Variants in EFCAB6 observed in about 807,000 individuals in gnomAD.
EFCAB6 encodes EF-hand calcium-binding domain-containing protein 6.
EFCAB6 carries 156 observed loss-of-function variants against 169.8 expected under a neutral mutation model. That is an observed-to-expected ratio of 0.92 (90% CI 0.81 to 1.05). The LOEUF is 1.05. Ranked by LOEUF, EFCAB6 falls within the 50% of genes least tolerant of loss-of-function variation. EFCAB6 has a pLI of 0.00. For synonymous variants in EFCAB6, 698 were observed against 676.4 expected (o/e 1.03, Z -0.50); for missense variants, 1,800 against 1,829.1 (o/e 0.98, Z 0.29).
chr22:43,578,544 A>G (rs1241295796), intron 25 of EFCAB6, among the ~76,000 whole-genome samples: 1 of 152,030 alleles, frequency 6.6e-6, no homozygotes, highest in Non-Finnish European at 1.5e-5. Context: ...CTCACCTGGG[A>G]GCACCACCTC....
intron 26 of EFCAB6, among the ~76,000 whole-genome samples, chr22:43,565,996 A>G (rs2049397374): frequency 7.4e-6 from 1 of 135,280 alleles, no homozygotes; most frequent in Admixed American, 8.1e-5. Context: ...TAACAACAGC[A>G]GGAAAACTGC....
rs2049951184 is a variant in EFCAB6, at chr22:43,572,485, G to C, written c.3420+3812C>G. Among the ~76,000 whole-genome samples the C allele has an allele frequency of 6.6e-6, 1 of 152,132 alleles. No homozygotes were observed. The highest frequency in any genetic ancestry group is 6.5e-5 in the Admixed American group (1 of 15,268). On this transcript the variant is annotated intron_variant, in intron 26 of 31. Transcript: ENST00000262726. The surrounding 1 kb of genome is among the most constrained non-coding windows in gnomAD (Gnocchi z 4.0). Reference sequence around the variant, plus strand: ...CCTAAGACAGTCCCCATGTCACTCAGAGTCAAAGCCAAAGTCTTTACAAGG... The same window carrying C: ...CCTAAGACAGTCCCCATGTCACTCACAGTCAAAGCCAAAGTCTTTACAAGG...
Position 43,540,673 on chromosome 22 carries a change from T to C in EFCAB6, c.3649-316A>G, listed in dbSNP as rs2047662736. On this transcript the variant is annotated intron_variant, in intron 27 of 31. Coordinates refer to ENST00000262726, the MANE Select transcript of EFCAB6 (RefSeq NM_022785.4). ...GTCACAGTGCCTGAGCTGCAGTGTA[T>C]TCGAACATTTGGGAGAAAATGCAAA... The C allele has an allele frequency of 1.4e-5, 12 of 836,508 alleles. No individual in the cohort carries two copies. The South Asian group carries it at 2.0e-4, about 14-fold the overall frequency. 51.8% of individuals were successfully genotyped at this position (836,508 alleles called of 1,614,324 possible). A position where few individuals can be genotyped will look rare whatever the true frequency, so the allele number is the denominator to read the frequency against.
rs73172072 is a variant in EFCAB6, at chr22:43,628,028, G to A, written c.2233-1349C>T. On this transcript the variant is annotated intron_variant, in intron 19 of 31. Coordinates refer to ENST00000262726, the MANE Select transcript of EFCAB6 (RefSeq NM_022785.4). This position sits in a 1 kb window ranked among gnomAD's most constrained non-coding sequence, Gnocchi z 4.8. ...TCTGCCCGAGGGGGCCTCCTGGGGTGCAGGCCCATCTGTTTCTTGATGATT... is the reference window on the plus strand; with the variant it reads ...TCTGCCCGAGGGGGCCTCCTGGGGTACAGGCCCATCTGTTTCTTGATGATT... 0.025 allele frequency among the ~76,000 whole-genome samples: 3,731 copies of A among 152,226 alleles called. 71 individuals are homozygous for A. The highest frequency in any genetic ancestry group is 0.038 in the Non-Finnish European group (2,607 of 67,996).
intron 26 of EFCAB6, among the ~76,000 whole-genome samples, chr22:43,560,494 G>C (rs953168044): frequency 6.6e-6 from 1 of 152,186 alleles, no homozygotes; most frequent in African/African-American, 2.4e-5. Flanking sequence ...AAAAGTGTTA[G>C]AGAACAGTGT....
chr22:43,648,935 T>A (rs1182966272), intron 17 of EFCAB6, among the ~76,000 whole-genome samples: 1 of 152,096 alleles, frequency 6.6e-6, no homozygotes, highest in Non-Finnish European at 1.5e-5. Flanking sequence ...AAGCTCCCCA[T>A]CCCCGCCAAG....
At chr22:43,701,488 T>C (rs188756105) in intron 10 of EFCAB6, among the ~76,000 whole-genome samples, 2 of 152,104 alleles carry the variant, frequency 1.3e-5, no homozygotes, top group African/African-American at 4.8e-5. Flanking sequence ...AGACAGGGCA[T>C]TGTATAGAAA....
At chr22:43,796,040 C>G (rs1156539672) in intron 2 of EFCAB6, among the ~76,000 whole-genome samples, 1 of 151,598 alleles carries the variant, frequency 6.6e-6, no homozygotes, top group Non-Finnish European at 1.5e-5. Context: ...CCCACAGACA[C>G]ACACACCACA....
chr22:43,635,365 C>T, intron 17 of EFCAB6, 149 bp from the exon 18 acceptor site: 2 of 642,116 alleles, frequency 3.1e-6, no homozygotes, highest in South Asian at 3.7e-5. Flanking sequence ...GGGGGTGGGA[C>T]CGAGTCTCCT....
chr22:43,649,253 G>C (rs933523201), intron 17 of EFCAB6, among the ~76,000 whole-genome samples: 2 of 152,148 alleles, frequency 1.3e-5, no homozygotes, highest in African/African-American at 4.8e-5. Flanking sequence ...GATGTAAATA[G>C]GCAACTCAAA....
chr22:43,546,600 G>A (rs747795679), intron 27 of EFCAB6, among the ~76,000 whole-genome samples: 1 of 152,192 alleles, frequency 6.6e-6, no homozygotes, highest in South Asian at 2.1e-4. Flanking sequence ...GCCGGGCGTG[G>A]TGGCTCACGC....
At chr22:43,763,064 A>G (rs911410821) in intron 5 of EFCAB6, among the ~76,000 whole-genome samples, 4 of 152,022 alleles carry the variant, frequency 2.6e-5, no homozygotes, top group Admixed American at 1.3e-4. Flanking sequence ...TTTAAGACCA[A>G]GTCTCACTCT....
chr22:43,632,551 C>G (rs2055055027), intron 18 of EFCAB6, among the ~76,000 whole-genome samples: 1 of 152,180 alleles, frequency 6.6e-6, no homozygotes. Flanking sequence ...CCGCCCGCCT[C>G]AGCCTCCCAA....
intron 20 of EFCAB6, among the ~76,000 whole-genome samples, chr22:43,617,911 G>A (rs1353400662): frequency 6.6e-6 from 1 of 151,864 alleles, no homozygotes; most frequent in Non-Finnish European, 1.5e-5. Flanking sequence ...AGACCAGCCT[G>A]GCCAACATGG....
At chr22:43,589,767 G>T (rs948142273) in intron 24 of EFCAB6, among the ~76,000 whole-genome samples, 1 of 152,104 alleles carries the variant, frequency 6.6e-6, no homozygotes, top group Non-Finnish European at 1.5e-5. Flanking sequence ...CAGCCTGGGT[G>T]ATAGAGCGAG....
At chr22:43,790,967 G>A (rs1431138472) in intron 2 of EFCAB6, among the ~76,000 whole-genome samples, 2 of 152,106 alleles carry the variant, frequency 1.3e-5, no homozygotes, top group Non-Finnish European at 1.5e-5. Flanking sequence ...AAGACTGCAG[G>A]TAGAACAGGT....
intron 17 of EFCAB6, among the ~76,000 whole-genome samples, chr22:43,662,930 A>C (rs1439182743): frequency 6.6e-6 from 1 of 152,232 alleles, no homozygotes; most frequent in Non-Finnish European, 1.5e-5. Flanking sequence ...GACAGACATG[A>C]ATTCAAGTCC....
chr22:43,529,039 G>A, intron 31 of EFCAB6, 64 bp from the exon 32 acceptor site: 3 of 1,497,480 alleles, frequency 2.0e-6, no homozygotes, highest in Non-Finnish European at 2.7e-6. Flanking sequence ...GAGGCAGGCT[G>A]CCAGGAAGGG....
At chr22:43,810,671 A>C (rs1473639637) in intron 1 of EFCAB6, among the ~76,000 whole-genome samples, 1 of 152,210 alleles carries the variant, frequency 6.6e-6, no homozygotes, top group Non-Finnish European at 1.5e-5. Context: ...TAGCTGGAAC[A>C]GGGCAGTTTT....
Sources: gnomAD v4.1 joint callset for allele counts (sites outside exome capture counted in the v4.1 genomes callset) on GRCh38, gnomAD v4.1.1 for gene constraint, Gnocchi (gnomAD v3.1) non-coding constraint, MANE v1.5 for transcripts, NCBI Gene and HGNC (gene_info 2026-07-23, HGNC 2026-07-21) for gene names.